CDH4: variants seen among roughly 807,000 people sequenced by gnomAD.
The protein encoded by CDH4 is cadherin 4.
In CDH4, 33 loss-of-function variants were observed where a neutral mutation model predicts 86.0. The observed-to-expected ratio is 0.38, with a 90% CI of 0.29 to 0.51. CDH4 has a LOEUF of 0.51. Ranked by LOEUF, CDH4 falls within the 20% of genes least tolerant of loss-of-function variation. CDH4 has a pLI of 0.86. For synonymous variants in CDH4, 555 were observed against 549.4 expected (o/e 1.01, Z -0.14); for missense variants, 1,114 against 1,307.4 (o/e 0.85, Z 2.28).
At chr20:61,780,025 C>T (rs535747178) in intron 4 of CDH4, among the ~76,000 whole-genome samples, 153 of 152,192 alleles carry the variant, frequency 1.0e-3, no homozygotes, top group Non-Finnish European at 1.9e-3. Flanking sequence ...GGCAGTCATT[C>T]GTTGTCTCAT....
At chr20:61,353,655 CTTCTTCCTCCTCTTCCCCCT>C (rs1446292677) in intron 2 of CDH4, among the ~76,000 whole-genome samples, 2 of 117,898 alleles carry the variant, frequency 1.7e-5, no homozygotes, top group Non-Finnish European at 3.6e-5. Flanking sequence ...CCCTCCTCCT[CTTCTTCCTCCTCTTCCCCCT>C]CCTCCTCCCC....
chr20:61,933,726 T>G (rs2055142910), intron 14 of CDH4, among the ~76,000 whole-genome samples: 1 of 150,270 alleles, frequency 6.7e-6, no homozygotes, highest in Admixed American at 6.6e-5. Context: ...GCATGTGCCT[T>G]GCGGAGGCCC....
At chr20:61,753,811 T>C (rs1203002783) in intron 3 of CDH4, among the ~76,000 whole-genome samples, 1 of 152,262 alleles carries the variant, frequency 6.6e-6, no homozygotes, top group South Asian at 2.1e-4. Flanking sequence ...CGCTGACCTG[T>C]GGACTTTCCT....
chr20:61,652,941 T>TTTTA (rs2087139651), intron 2 of CDH4, among the ~76,000 whole-genome samples: 4 of 115,964 alleles, frequency 3.4e-5, no homozygotes, highest in African/African-American at 1.2e-4. Context: ...TTTATTTATT[T>TTTTA]TTTTTTTTTT....
At chr20:61,723,104 C>T (rs937057774) in intron 2 of CDH4, among the ~76,000 whole-genome samples, 1 of 152,178 alleles carries the variant, frequency 6.6e-6, no homozygotes, top group Non-Finnish European at 1.5e-5. Flanking sequence ...TCTTCATCAC[C>T]GATCACCATG....
At chr20:61,430,907 C>G (rs1013882730) in intron 2 of CDH4, among the ~76,000 whole-genome samples, 2 of 152,234 alleles carry the variant, frequency 1.3e-5, no homozygotes, top group Non-Finnish European at 2.9e-5. Flanking sequence ...CCTGCAGCCC[C>G]CAGGCTTCAG....
In CDH4 at chr20:61,829,924, G is replaced by T. The variant is rs1215136795; in HGVS notation, c.577-14744G>T. ...AGGCTCCTGCCCGGCCGGCCCTGGG[G>T]CTGGGAGGCAGGTGTGGGAAGTGCA... On this transcript the variant is annotated intron_variant, in intron 4 of 15. Transcript: ENST00000614565. The surrounding 1 kb of genome is among the most constrained non-coding windows in gnomAD (Gnocchi z 4.2). Among the ~76,000 whole-genome samples the T allele has an allele frequency of 3.9e-5, 6 of 152,242 alleles. No individual in the cohort carries two copies. The East Asian group carries it at 1.2e-3, about 29-fold the overall frequency.
chr20:61,760,760 G>A (rs773385458), intron 3 of CDH4, among the ~76,000 whole-genome samples: 11 of 152,288 alleles, frequency 7.2e-5, no homozygotes, highest in African/African-American at 1.9e-4. Flanking sequence ...AAATGATGTC[G>A]CCTTTTTATG....
chr20:61,577,374 T>C (rs2086390028), intron 2 of CDH4, among the ~76,000 whole-genome samples: 2 of 151,936 alleles, frequency 1.3e-5, no homozygotes, highest in Admixed American at 1.3e-4. Flanking sequence ...TGTTGAAGGA[T>C]GAGTGGATGT....
intron 2 of CDH4, among the ~76,000 whole-genome samples, chr20:61,534,665 CTTTTTTTTT>C (rs34309371): frequency 1.3e-5 from 1 of 76,066 alleles, no homozygotes; most frequent in Non-Finnish European, 2.1e-5. Flanking sequence ...TTCTTTCTTT[CTTTTTTTTT>C]TTTTTTTTTT....
At chr20:61,692,219 ATGTG>A (rs1168605378) in intron 2 of CDH4, among the ~76,000 whole-genome samples, 1 of 146,156 alleles carries the variant, frequency 6.8e-6, no homozygotes. Context: ...CTATGTATGT[ATGTG>A]TGTATGTGTG....
At chr20:61,881,298 G>T (rs534537823) in intron 7 of CDH4, among the ~76,000 whole-genome samples, 4 of 152,242 alleles carry the variant, frequency 2.6e-5, no homozygotes. Context: ...GAGGGGAGAC[G>T]ATGGCCATGG....
At position 61,518,460 on chromosome 20, in the gene CDH4, C is replaced by T. The variant is rs1344657120; in HGVS notation, c.170-225103C>T. ...CTCATCATCCATCATCCGTCATCCA[C>T]CCATCGTCCATCCATCCATCCTTCC... On this transcript the variant is annotated intron_variant, in intron 2 of 15. Coordinates refer to ENST00000614565, the MANE Select transcript of CDH4 (RefSeq NM_001794.5). The surrounding 1 kb of genome is among the most constrained non-coding windows in gnomAD (Gnocchi z 6.3). Among the ~76,000 whole-genome samples, 2 of 152,066 alleles carry T rather than the reference C, an allele frequency of 1.3e-5. No individual in the cohort carries two copies. Among genetic ancestry groups the T allele is most frequent in the South Asian group, 4.2e-4 (2 of 4,816 alleles).
In CDH4 at chr20:61,312,094, G is replaced by A. The variant is rs1158312078; in HGVS notation, c.169+57157G>A. On this transcript the variant is annotated intron_variant, in intron 2 of 15. Coordinates refer to ENST00000614565, the MANE Select transcript of CDH4 (RefSeq NM_001794.5). The stretch of plus-strand genomic sequence containing the variant: ...ACATGTGTGGTGTGTATATGTATGT[G>A]CATGTGTGTGATGTGTGGTGTGTGC... Among the ~76,000 whole-genome samples the A allele has an allele frequency of 2.6e-5, 4 of 150,972 alleles. No homozygotes were observed. In the East Asian group the frequency reaches 7.9e-4, roughly 30 times the overall value.
intron 8 of CDH4, 52 bp from the exon 9 acceptor site, chr20:61,910,370 G>A: frequency 6.6e-7 from 1 of 1,521,004 alleles, no homozygotes; most frequent in South Asian, 1.1e-5. Context: ...ACTTCTCTGT[G>A]CATATTTACA....
chr20:61,271,173 G>C (rs1209639556), intron 2 of CDH4, among the ~76,000 whole-genome samples: 1 of 152,136 alleles, frequency 6.6e-6, no homozygotes, highest in Non-Finnish European at 1.5e-5. Context: ...GATGGACTGG[G>C]GGGCTGGGAG....
At chr20:61,299,211 G>C (rs1403203955) in intron 2 of CDH4, among the ~76,000 whole-genome samples, 2 of 152,140 alleles carry the variant, frequency 1.3e-5, no homozygotes. Context: ...AGGCCCCGGG[G>C]AGAACCTCGC....
At chr20:61,609,319 T>C (rs1345520271) in intron 2 of CDH4, among the ~76,000 whole-genome samples, 2 of 152,084 alleles carry the variant, frequency 1.3e-5, no homozygotes, top group African/African-American at 2.4e-5. Flanking sequence ...TCCCCTCCAG[T>C]GTGTGCTCCA....
intron 2 of CDH4, among the ~76,000 whole-genome samples, chr20:61,391,045 G>A (rs547835841): frequency 1.2e-4 from 19 of 152,306 alleles, no homozygotes; most frequent in African/African-American, 4.1e-4. Flanking sequence ...GGGGTAGCCT[G>A]ACCACAGCAC....
Sources: gnomAD v4.1 joint callset for allele counts (sites outside exome capture counted in the v4.1 genomes callset) on GRCh38, gnomAD v4.1.1 for gene constraint, Gnocchi (gnomAD v3.1) non-coding constraint, MANE v1.5 for transcripts, NCBI Gene and HGNC (gene_info 2026-07-23, HGNC 2026-07-21) for gene names.